The following BPNT1 variants were observed in gnomAD, a reference collection of about 807,000 sequenced individuals.
BPNT1 encodes 3'(2'), 5'-bisphosphate nucleotidase 1.
Under a neutral mutation model 36.9 loss-of-function variants are expected in BPNT1, and 28 were observed. The ratio of observed to expected loss-of-function variants is 0.76; its 90% CI spans 0.56 to 1.04. The LOEUF is 1.04. BPNT1 is among the 50% of genes least tolerant of loss of function. The pLI, the probability that BPNT1 is intolerant of heterozygous loss-of-function variation, is 0.00. For missense variants in BPNT1, 313 were observed against 372.9 expected, an observed-to-expected ratio of 0.84 and a Z score of 1.32; for synonymous variants, 119 against 130.9, an observed-to-expected ratio of 0.91 and a Z score of 0.62.
At position 220,057,664 on chromosome 1, in the gene BPNT1, C is replaced by A. The variant is rs1662648032; in HGVS notation, c.*1180G>T. 2 of 372,260 alleles carry A rather than the reference C, an allele frequency of 5.4e-6. No homozygotes were observed. Among genetic ancestry groups the A allele is most frequent in the Admixed American group, 3.9e-5 (1 of 25,862 alleles). 23.1% of individuals were successfully genotyped at this position (372,260 alleles called of 1,614,324 possible). A position where few individuals can be genotyped will look rare whatever the true frequency, so the allele number is the denominator to read the frequency against. ...AATGATGCCACAAGAATAAACTAAT[C>A]CCCAAAGTCGAGAATGTATAATTTT... On this transcript the variant is annotated 3_prime_UTR_variant, in exon 9 of 9. Coordinates refer to ENST00000322067, the MANE Select transcript of BPNT1 (RefSeq NM_006085.6).
chr1:220,081,181 C>A lies in BPNT1; in HGVS notation c.-8-1327G>T, dbSNP rs192763459. Among the ~76,000 whole-genome samples, 510 of 152,218 alleles carry A rather than the reference C, an allele frequency of 3.4e-3. 2 individuals carry two copies. The highest frequency in any genetic ancestry group is 0.011 in the African/African-American group (458 of 41,558). ...TGAACTCCTGACCTCGTGATCCCCC[C>A]CCTTGGCCTCCCAAGTGCTGGGATT... is the stretch of plus-strand genomic sequence containing the variant. On this transcript the variant is annotated intron_variant, in intron 1 of 8. Coordinates refer to ENST00000322067, the MANE Select transcript of BPNT1 (RefSeq NM_006085.6).
chr1:220,088,895 C>A (rs1404502580), intron 1 of BPNT1, among the ~76,000 whole-genome samples: 2 of 150,856 alleles, frequency 1.3e-5, no homozygotes, highest in African/African-American at 4.9e-5. Context: ...GTCAGGAGAT[C>A]GAAACCATCC....
intron 1 of BPNT1, among the ~76,000 whole-genome samples, chr1:220,088,803 A>AG (rs1656008413): frequency 6.8e-6 from 1 of 147,814 alleles, no homozygotes; most frequent in South Asian, 2.2e-4. Context: ...AAAAAAAAAA[A>AG]AAGAAAGAAA....
At position 220,059,732 on chromosome 1, in the gene BPNT1, C is replaced by T. The variant is rs1264050036; in HGVS notation, c.732G>A (p.Lys244=). The T allele has an allele frequency of 2.5e-6, 4 of 1,611,746 alleles. No individual in the cohort carries two copies. The highest frequency in any genetic ancestry group is 1.3e-5 in the African/African-American group (1 of 74,838). Residue 244 remains lysine (K), a synonymous_variant, in exon 8 of 9, where the codon AAG becomes AAA. Coordinates refer to ENST00000322067, the MANE Select transcript of BPNT1 (RefSeq NM_006085.6). ...CTTCTGGAGCACAAGTATCCCACTT[C>T]TTACAACCAGGACTTGCAAATACAT... ...SAYVFASPGC[K]KWDTCAPEVI...
intron 6 of BPNT1, chr1:220,066,182 G>T: frequency 8.2e-7 from 1 of 1,219,928 alleles, no homozygotes; most frequent in South Asian, 1.6e-5. Flanking sequence ...TAACTCCTAA[G>T]CACTTAGATT....
At chr1:220,065,338 G>C (rs1284516628) in intron 6 of BPNT1, among the ~76,000 whole-genome samples, 1 of 152,124 alleles carries the variant, frequency 6.6e-6, no homozygotes, top group African/African-American at 2.4e-5. Context: ...CTCTGGCATT[G>C]TCTCTCTCTT....
intron 1 of BPNT1, among the ~76,000 whole-genome samples, chr1:220,082,085 TAGAGAGAGAGAGAG>T (rs3055555): frequency 5.8e-5 from 6 of 103,280 alleles, no homozygotes; most frequent in African/African-American, 1.5e-4. Context: ...TATATATATA[TAGAGAGAGAGAGAG>T]AGAGAGAGAG....
rs747952992 is a variant in BPNT1 at position 220,062,901 on chromosome 1, G to T, written c.528C>A (p.Gly176=). 6.2e-7 allele frequency: 1 copy of T among 1,614,068 alleles called. No homozygotes were observed. The highest frequency in any genetic ancestry group is 1.1e-5 in the South Asian group (1 of 91,076). Residue 176 remains glycine (G), a synonymous_variant, in exon 7 of 9, where the codon GGC becomes GGA. Transcript: ENST00000322067. ...CTTCTTTCAGCTGAAACCCAAAGGC[G>T]CCTAAACCTAAAACTCCCCAGATTG... ...GRTIWGVLGL[G]AFGFQLKEVP...
chr1:220,079,278 A>C (rs1408210623), intron 2 of BPNT1, among the ~76,000 whole-genome samples: 1 of 150,916 alleles, frequency 6.6e-6, no homozygotes, highest in African/African-American at 2.4e-5. Flanking sequence ...TTTGAGATGG[A>C]GTCTCGCCCT....
At position 220,059,797 on chromosome 1, in the gene BPNT1, AG is replaced by A. The variant is rs763140465; in HGVS notation, c.673-7del. The A allele has an allele frequency of 1.0e-5, 16 of 1,570,464 alleles. No homozygotes were observed. In the African/African-American group the frequency reaches 2.1e-4, roughly 20 times the overall value. On this transcript the variant is annotated splice_polypyrimidine_tract_variant and splice_region_variant and intron_variant, in intron 7 of 8. Transcript: ENST00000322067. ...CCTTCAATCAGCTGAATAATCTGTA[AG>A]GGTAAAAATAAGAATTATCCTTTGA...
chr1:220,074,582 G>A (rs908701518), intron 2 of BPNT1, among the ~76,000 whole-genome samples: 2 of 151,590 alleles, frequency 1.3e-5, no homozygotes, highest in African/African-American at 4.8e-5. Context: ...TGCAAACTCT[G>A]CCTCCTGGGT....
intron 4 of BPNT1, among the ~76,000 whole-genome samples, chr1:220,071,624 T>C (rs944903563): frequency 3.3e-5 from 5 of 152,190 alleles, no homozygotes; most frequent in Non-Finnish European, 5.9e-5. Context: ...GGCATAAGGA[T>C]AGACATATAG....
At chr1:220,082,660 C>G (rs562353741) in intron 1 of BPNT1, among the ~76,000 whole-genome samples, 3 of 151,826 alleles carry the variant, frequency 2.0e-5, no homozygotes, top group African/African-American at 4.8e-5. Context: ...AATCTTGGCT[C>G]GCTGCAACCT....
chr1:220,077,171 T>A (rs1234538525), intron 2 of BPNT1, among the ~76,000 whole-genome samples: 2 of 152,198 alleles, frequency 1.3e-5, no homozygotes, highest in Non-Finnish European at 1.5e-5. Context: ...AATTTGTGGA[T>A]AATGTTATTC....
At chr1:220,060,292 A>G (rs972114179) in intron 7 of BPNT1, among the ~76,000 whole-genome samples, 2 of 152,130 alleles carry the variant, frequency 1.3e-5, no homozygotes, top group Non-Finnish European at 2.9e-5. Context: ...CGTGGCCAAC[A>G]TAGCAAAACC....
At chr1:220,082,042 ACACATGATTGTTC>A (rs1257926079) in intron 1 of BPNT1, among the ~76,000 whole-genome samples, 6 of 146,524 alleles carry the variant, frequency 4.1e-5, no homozygotes, top group Non-Finnish European at 9.0e-5. Context: ...CAATAAGGGA[ACACATGATTGTTC>A]CAAGGACAAT....
intron 2 of BPNT1, among the ~76,000 whole-genome samples, chr1:220,079,340 C>A (rs1260024168): frequency 6.6e-6 from 1 of 151,934 alleles, no homozygotes; most frequent in Non-Finnish European, 1.5e-5. Context: ...GCAACCTCTG[C>A]CTCCCGGGTT....
At position 220,062,775 on chromosome 1, in the gene BPNT1, T is replaced by C; in HGVS notation, c.654A>G (p.Val218=). 1 of 1,614,212 alleles carries C rather than the reference T, an allele frequency of 6.2e-7. No homozygotes were observed. The highest frequency in any genetic ancestry group is 8.5e-7 in the Non-Finnish European group (1 of 1,180,024). ...AAMNPDAVLR[V]GGAGNKIIQL... is the part of the protein sequence containing the mutation. ...TTCATACCTTATTTCCTGCTCCTCCTACTCGCAGCACAGCATCGGGGTTCA... is the reference window on the plus strand; with the variant it reads ...TTCATACCTTATTTCCTGCTCCTCCCACTCGCAGCACAGCATCGGGGTTCA... The change falls in exon 7 of 9, where the codon GTA becomes GTG. Residue 218 remains valine (V), a synonymous_variant. Coordinates refer to ENST00000322067, the MANE Select transcript of BPNT1 (RefSeq NM_006085.6).
At chr1:220,083,476 G>A (rs1027022192) in intron 1 of BPNT1, among the ~76,000 whole-genome samples, 4 of 151,868 alleles carry the variant, frequency 2.6e-5, no homozygotes, top group Non-Finnish European at 4.4e-5. Context: ...CACTGCGCCC[G>A]GCTAATTTTT....
Sources: allele counts gnomAD v4.1 joint callset (sites outside exome capture counted in the v4.1 genomes callset), GRCh38; gene constraint gnomAD v4.1.1; transcripts MANE v1.5; gene names NCBI Gene and HGNC (gene_info 2026-07-23, HGNC 2026-07-21).